The following MARK3 variants were observed in gnomAD, a reference collection of about 807,000 sequenced individuals.
MARK3 encodes MAP/microtubule affinity-regulating kinase 3.
MARK3 carries 46 observed loss-of-function variants against 90.1 expected under a neutral mutation model. The ratio of observed to expected loss-of-function variants is 0.51; its 90% CI spans 0.40 to 0.65. MARK3 has a LOEUF of 0.65. Ranked by LOEUF, MARK3 falls within the 30% of genes least tolerant of loss-of-function variation. The pLI, the probability that MARK3 is intolerant of heterozygous loss-of-function variation, is 0.00. For missense variants in MARK3, 818 were observed against 947.2 expected (o/e 0.86, Z 1.79); for synonymous variants, 321 against 332.6 (o/e 0.97, Z 0.38).
In MARK3 at chr14:103,457,142, G is replaced by T; in HGVS notation, c.413G>T (p.Gly138Val). ...LYLIMEYASG[G>V]EVFDYLVAHG... ...TTACTTTTATTTCTCTCACCTATAGGTGAAGTATTTGACTATTTGGTTGCA... is the reference window on the plus strand; with the variant it reads ...TTACTTTTATTTCTCTCACCTATAGTTGAAGTATTTGACTATTTGGTTGCA... The change falls in exon 6 of 18, where the codon GGT becomes GTT. Residue 138 changes from glycine (G) to valine (V), a missense_variant and splice_region_variant. This residue lies in a region of MARK3 where 101 missense variants were observed against 175.1 expected (regional missense o/e 0.58). Coordinates refer to ENST00000429436, the MANE Select transcript of MARK3 (RefSeq NM_001128918.3). 1 of 1,593,010 alleles carries T rather than the reference G, an allele frequency of 6.3e-7. No individual in the cohort carries two copies. The highest frequency in any genetic ancestry group is 8.6e-7 in the Non-Finnish European group (1 of 1,161,664).
At chr14:103,423,270 G>A (rs1403581329) in intron 2 of MARK3, among the ~76,000 whole-genome samples, 3 of 131,862 alleles carry the variant, frequency 2.3e-5, no homozygotes, top group African/African-American at 8.6e-5. Flanking sequence ...CAGGGTGTTA[G>A]GATCTTTTGA....
chr14:103,390,335 G>A (rs1290803061), intron 1 of MARK3, among the ~76,000 whole-genome samples: 11 of 152,226 alleles, frequency 7.2e-5, no homozygotes, highest in Non-Finnish European at 1.6e-4. Context: ...ACTCAGAGAG[G>A]TGACAAAGGC....
chr14:103,398,745 C>A (rs189141211), intron 1 of MARK3, among the ~76,000 whole-genome samples: 4 of 152,204 alleles, frequency 2.6e-5, no homozygotes, highest in African/African-American at 7.2e-5. Flanking sequence ...AATTGCCTAG[C>A]TGCTTTCAAA....
rs1341883197 is a variant in MARK3, at chr14:103,475,128, C to T, written c.1400C>T (p.Pro467Leu). The T allele has an allele frequency of 3.7e-6, 6 of 1,614,072 alleles. No homozygotes were observed. The Admixed American group carries it at 1.0e-4, about 27-fold the overall frequency. ...GSAVGGKGIA[P>L]ASPMLGNASN... ...GCTGTTGGAGGAAAGGGAATTGCTC[C>T]AGCCAGTCCCATGCTTGGGAATGCA... The change falls in exon 13 of 18, where the codon CCA (proline) becomes CTA (leucine). Residue 467 changes from proline to leucine, a missense_variant. Around this residue, in one of 3 missense-constraint regions of MARK3, gnomAD observed 560 missense variants for 613.5 expected, o/e 0.91. Coordinates refer to ENST00000429436, the MANE Select transcript of MARK3 (RefSeq NM_001128918.3).
intron 16 of MARK3, 56 bp downstream of exon 16, chr14:103,498,584 C>G (rs2075477517): frequency 7.7e-7 from 1 of 1,306,526 alleles, no homozygotes; most frequent in Non-Finnish European, 9.8e-7. Context: ...ATGGCTCCTG[C>G]AATTAACATT....
chr14:103,415,117 AC>A (rs1392666077), intron 2 of MARK3, among the ~76,000 whole-genome samples: 1 of 126,412 alleles, frequency 7.9e-6, no homozygotes, highest in Non-Finnish European at 1.6e-5. Flanking sequence ...ATGCCAGTAC[AC>A]TCCAGCCTGG....
chr14:103,450,067 G>C (rs1404126825), intron 4 of MARK3, among the ~76,000 whole-genome samples: 3 of 152,056 alleles, frequency 2.0e-5, no homozygotes, highest in African/African-American at 7.2e-5. Flanking sequence ...TACTTTAAAG[G>C]TGTTCTTGTT....
At chr14:103,494,236 CAA>C (rs71126032) in intron 15 of MARK3, among the ~76,000 whole-genome samples, 46 of 79,842 alleles carry the variant, frequency 5.8e-4, no homozygotes, top group East Asian at 1.8e-3. Flanking sequence ...GACTCCATCT[CAA>C]AAAAAAAAAA....
At chr14:103,386,119 G>T (rs373737504) in intron 1 of MARK3, 39 bp downstream of exon 1, 2 of 1,594,760 alleles carry the variant, frequency 1.3e-6, no homozygotes, top group Admixed American at 3.3e-5. Context: ...GACCTTCGGG[G>T]TGGCATTCGT....
At chr14:103,436,063 G>A (rs1208857797) in intron 3 of MARK3, among the ~76,000 whole-genome samples, 7 of 152,060 alleles carry the variant, frequency 4.6e-5, no homozygotes, top group Non-Finnish European at 7.4e-5. Context: ...GCTAATTTTT[G>A]TATTTTTAGT....
At chr14:103,474,930 A>T in intron 12 of MARK3, 63 bp from the exon 13 acceptor site, 3 of 1,292,044 alleles carry the variant, frequency 2.3e-6, no homozygotes, top group Non-Finnish European at 3.3e-6. Context: ...AAATATGGTT[A>T]CTGTCACAAA....
chr14:103,426,351 G>A (rs2092404199), intron 2 of MARK3, among the ~76,000 whole-genome samples: 1 of 151,160 alleles, frequency 6.6e-6, no homozygotes, highest in Non-Finnish European at 1.5e-5. Context: ...CACATTTGGG[G>A]GAATGAGTAA....
chr14:103,462,365 C>G, intron 6 of MARK3, 40 bp from the exon 7 acceptor site: 1 of 1,449,666 alleles, frequency 6.9e-7, no homozygotes, highest in South Asian at 1.2e-5. Flanking sequence ...AATTACGAAT[C>G]TGCACCAGTG....
In MARK3 at chr14:103,488,057, AT is replaced by A. The variant is rs1362202510; in HGVS notation, c.1587-3719del. ...GAGACTCCGTCTCAAAAAAAAAAAA[AT>A]AAATAACATTTGTGTGCATTCATGT... On this transcript the variant is annotated intron_variant, in intron 14 of 17. Transcript: ENST00000429436. 4.8e-5 allele frequency among the ~76,000 whole-genome samples: 7 copies of A among 147,226 alleles called. No homozygotes were observed. In the East Asian group the frequency reaches 8.0e-4, roughly 17 times the overall value.
intron 13 of MARK3, among the ~76,000 whole-genome samples, chr14:103,478,209 C>T (rs1194744584): frequency 1.3e-5 from 2 of 150,744 alleles, no homozygotes; most frequent in African/African-American, 2.4e-5. Context: ...GCAGGAGAAT[C>T]GATTGAACCC....
chr14:103,416,123 T>C (rs2091934303), intron 2 of MARK3, among the ~76,000 whole-genome samples: 1 of 152,244 alleles, frequency 6.6e-6, no homozygotes, highest in Non-Finnish European at 1.5e-5. Flanking sequence ...CTATAAACTC[T>C]TAGGTTTTAT....
intron 14 of MARK3, among the ~76,000 whole-genome samples, chr14:103,482,539 C>A (rs1394249059): frequency 6.6e-6 from 1 of 151,682 alleles, no homozygotes; most frequent in Non-Finnish European, 1.5e-5. Context: ...AAAGTTGTTT[C>A]ATTACCTTTA....
chr14:103,473,733 T>C (rs2093668378), intron 12 of MARK3, among the ~76,000 whole-genome samples: 2 of 152,172 alleles, frequency 1.3e-5, no homozygotes, highest in South Asian at 4.1e-4. Context: ...GTTTTTTAAA[T>C]TTATTTATTG....
At chr14:103,408,023 C>T (rs981590939) in intron 2 of MARK3, among the ~76,000 whole-genome samples, 1 of 152,272 alleles carries the variant, frequency 6.6e-6, no homozygotes, top group South Asian at 2.1e-4. Flanking sequence ...CCTTATATGG[C>T]ACAATTTACA....
Sources: allele counts gnomAD v4.1 joint callset (sites outside exome capture counted in the v4.1 genomes callset), GRCh38; gene constraint gnomAD v4.1.1; regional missense constraint gnomAD v4.1.1; transcripts MANE v1.5; gene names NCBI Gene and HGNC (gene_info 2026-07-23, HGNC 2026-07-21).